The following ADAMDEC1 variants were observed in gnomAD, a reference collection of about 807,000 sequenced individuals.
The protein encoded by ADAMDEC1 is ADAM like decysin 1, also known as ADAM DEC1.
ADAMDEC1 carries 62 observed loss-of-function variants against 60.4 expected under a neutral mutation model. The observed-to-expected ratio is 1.03, with a 90% CI of 0.84 to 1.27. ADAMDEC1 has a LOEUF of 1.27. Among genes scored for constraint, ADAMDEC1 ranks in the 50% most tolerant of loss-of-function variants. ADAMDEC1 has a pLI of 0.00. For synonymous variants in ADAMDEC1, 210 were observed against 195.1 expected, an observed-to-expected ratio of 1.08 and a Z score of -0.64; for missense variants, 595 against 565.0, an observed-to-expected ratio of 1.05 and a Z score of -0.54.
chr8:24,400,554 T>C (rs1413985558), intron 11 of ADAMDEC1, among the ~76,000 whole-genome samples: 3 of 151,862 alleles, frequency 2.0e-5, no homozygotes, highest in Non-Finnish European at 4.4e-5. Flanking sequence ...TCTGCTGATA[T>C]ATGTTTCATA....
chr8:24,403,629 G>T (rs1817818698), intron 12 of ADAMDEC1, among the ~76,000 whole-genome samples: 1 of 152,012 alleles, frequency 6.6e-6, no homozygotes, highest in African/African-American at 2.4e-5. Context: ...AGTTTCTCAG[G>T]AAATGTATAT....
At chr8:24,389,902 C>T (rs966104043) in intron 1 of ADAMDEC1, among the ~76,000 whole-genome samples, 2 of 152,102 alleles carry the variant, frequency 1.3e-5, no homozygotes, top group Non-Finnish European at 2.9e-5. Context: ...TCATTACTTC[C>T]CTATTGAAAA....
chr8:24,394,440 A>G (rs557502999), intron 4 of ADAMDEC1, among the ~76,000 whole-genome samples: 6 of 152,202 alleles, frequency 3.9e-5, no homozygotes, highest in Admixed American at 2.0e-4. Context: ...TTTTATCCAT[A>G]GGTTAGAAAA....
rs770360820 is a variant in ADAMDEC1, at chr8:24,397,259, A to G, written c.441-11A>G. 6.9e-6 allele frequency: 11 copies of G among 1,604,280 alleles called. No homozygotes were observed. Among genetic ancestry groups the G allele is most frequent in the Admixed American group, 3.5e-5 (2 of 57,310 alleles). On this transcript the variant is annotated splice_polypyrimidine_tract_variant and intron_variant, in intron 5 of 13. Coordinates refer to ENST00000256412, the MANE Select transcript of ADAMDEC1 (RefSeq NM_014479.3). The stretch of plus-strand genomic sequence containing the variant: ...CAGGAATCCTGAAATATAAGTCTCT[A>G]TATCTCCCAGAGGATACTTCACACA...
intron 2 of ADAMDEC1, 23 bp downstream of exon 2, chr8:24,392,403 G>A: frequency 6.5e-7 from 1 of 1,528,256 alleles, no homozygotes; most frequent in Non-Finnish European, 9.0e-7. Context: ...AATGACCGTG[G>A]TAGATGTTAC....
At position 24,399,760 on chromosome 8, in the gene ADAMDEC1, G is replaced by A. The variant is rs572068042; in HGVS notation, c.1011+286G>A. ...GCATCCAGTACCCTCTGTGGCCTGG[G>A]CTAATACTAGTCATCCCCAGTATCT... On this transcript the variant is annotated intron_variant, in intron 10 of 13. Transcript: ENST00000256412. Among the ~76,000 whole-genome samples the A allele has an allele frequency of 8.5e-5, 13 of 152,236 alleles. No individual in the cohort carries two copies. In the East Asian group the frequency reaches 2.5e-3, roughly 29 times the overall value.
rs1200483216 is a variant in ADAMDEC1, at chr8:24,398,501, C to T, written c.712C>T (p.Leu238=). Residue 238 remains leucine (L), a synonymous_variant, in exon 8 of 14, where the codon CTA becomes TTA. Coordinates refer to ENST00000256412, the MANE Select transcript of ADAMDEC1 (RefSeq NM_014479.3). The part of the protein sequence containing the change: ...NAFYKNYNEN[L]TLIRSFVFDV... ...ACAGTATAAGAACTATAATGAGAAT[C>T]TAACTCTGATAAGAAGCTTTGTGTT... The T allele has an allele frequency of 3.1e-6, 5 of 1,596,434 alleles. No individual in the cohort carries two copies. The highest frequency in any genetic ancestry group is 1.1e-5 in the South Asian group (1 of 90,128).
At chr8:24,392,502 A>G in intron 2 of ADAMDEC1, 122 bp downstream of exon 2, 1 of 660,386 alleles carries the variant, frequency 1.5e-6, no homozygotes, top group Non-Finnish European at 2.5e-6. Flanking sequence ...AAGCCCATGT[A>G]TACAACTCCC....
chr8:24,398,458 C>A, intron 7 of ADAMDEC1, 22 bp from the exon 8 acceptor site: 1 of 1,430,204 alleles, frequency 7.0e-7, no homozygotes, highest in Non-Finnish European at 9.7e-7. Flanking sequence ...TTTCACTATA[C>A]TTTGTGTTTT....
Position 24,398,895 on chromosome 8 carries a change from C to G in ADAMDEC1, c.784C>G (p.Gln262Glu), listed in dbSNP as rs771003900. 2 of 1,613,652 alleles carry G rather than the reference C, an allele frequency of 1.2e-6. No homozygotes were observed. Among genetic ancestry groups the G allele is most frequent in the South Asian group, 2.2e-5 (2 of 90,998 alleles). Residue 262 changes from glutamine to glutamate, a missense_variant, in exon 9 of 14, where the codon CAA becomes GAA. Physicochemically the swap from Gln to Glu is conservative, Grantham distance 29. Transcript: ENST00000256412. ...ACAGATATATAACACCATAGATGTT[C>G]AAGTGGCCTTGGTAGGTATGGAAAT... is the stretch of plus-strand genomic sequence containing the variant. Reference protein sequence around the residue: ...LNVIYNTIDVQVALVGMEIWS... With the variant: ...LNVIYNTIDVEVALVGMEIWS...
rs543837794 is a variant in ADAMDEC1 at position 24,390,141 on chromosome 8, C to T, written c.89-2121C>T. 45 of 715,516 alleles carry T rather than the reference C, an allele frequency of 6.3e-5. 1 individual carries two copies. Among genetic ancestry groups the T allele is most frequent in the African/African-American group, 4.7e-4 (26 of 55,008 alleles). The allele number at this position is 715,516 out of a possible 1,614,324, so 44.3% of individuals were successfully genotyped here. A position where few individuals can be genotyped will look rare whatever the true frequency, so the allele number is the denominator to read the frequency against. On this transcript the variant is annotated intron_variant, in intron 1 of 13. Coordinates refer to ENST00000256412, the MANE Select transcript of ADAMDEC1 (RefSeq NM_014479.3). ...TTTAACCTGACAGCCTCAAACTGTG[C>T]GTGGCCTAAAGTCAGCATTCAATAA...
chr8:24,398,643 A>G, intron 8 of ADAMDEC1, 92 bp downstream of exon 8: 2 of 1,075,060 alleles, frequency 1.9e-6, no homozygotes, highest in Non-Finnish European at 2.7e-6. Context: ...AGTTAAAAAG[A>G]TCCCAAATGT....
At chr8:24,394,941 C>T (rs1563354619) in intron 4 of ADAMDEC1, among the ~76,000 whole-genome samples, 3 of 152,276 alleles carry the variant, frequency 2.0e-5, no homozygotes, top group Non-Finnish European at 4.4e-5. Flanking sequence ...TTTATGTTGA[C>T]GATATCTCTT....
rs534205566 is a variant in ADAMDEC1 at position 24,385,078 on chromosome 8, C to A, written c.88+486C>A. Reference sequence around the variant, plus strand: ...GTTCTGGAAAAGGAACCCTTTTTGTCTTTGAGATTGATTATTGATATTATT... The same window carrying A: ...GTTCTGGAAAAGGAACCCTTTTTGTATTTGAGATTGATTATTGATATTATT... On this transcript the variant is annotated intron_variant, in intron 1 of 13. Coordinates refer to ENST00000256412, the MANE Select transcript of ADAMDEC1 (RefSeq NM_014479.3). 1.6e-4 allele frequency among the ~76,000 whole-genome samples: 24 copies of A among 151,990 alleles called. No individual in the cohort carries two copies. The South Asian group carries it at 4.1e-3, about 26-fold the overall frequency.
intron 1 of ADAMDEC1, chr8:24,387,910 T>TG (rs1476765773): frequency 6.6e-6 from 1 of 152,600 alleles, no homozygotes; most frequent in Admixed American, 6.5e-5. Context: ...GCTAGGTGAC[T>TG]GCCTGGCTCT....
In ADAMDEC1 at chr8:24,398,868, C is replaced by T. The variant is rs781029995; in HGVS notation, c.763-6C>T. 1 of 1,610,784 alleles carries T rather than the reference C, an allele frequency of 6.2e-7. No homozygotes were observed. Among genetic ancestry groups the T allele is most frequent in the African/African-American group, 1.3e-5 (1 of 74,832 alleles). ...ATTTTTATGAAGATAAATGCTCTTTCCACAGATATATAACACCATAGATGT... is the reference window on the plus strand; with the variant it reads ...ATTTTTATGAAGATAAATGCTCTTTTCACAGATATATAACACCATAGATGT... On this transcript the variant is annotated splice_polypyrimidine_tract_variant and splice_region_variant and intron_variant, in intron 8 of 13. Transcript: ENST00000256412.
chr8:24,386,718 T>C (rs982083651), intron 1 of ADAMDEC1, among the ~76,000 whole-genome samples: 3 of 152,198 alleles, frequency 2.0e-5, no homozygotes, highest in East Asian at 1.9e-4. Context: ...CATCAGCATA[T>C]AAAAATTATC....
chr8:24,405,006 G>A (rs1176594915), intron 13 of ADAMDEC1, among the ~76,000 whole-genome samples: 1 of 152,118 alleles, frequency 6.6e-6, no homozygotes, highest in Non-Finnish European at 1.5e-5. Context: ...AGGTGAACAT[G>A]CCCCTTACTG....
At chr8:24,401,836 TTCTTTA>T in intron 11 of ADAMDEC1, 73 bp from the exon 12 acceptor site, 1 of 1,229,936 alleles carries the variant, frequency 8.1e-7, no homozygotes, top group Non-Finnish European at 1.1e-6. Context: ...AGTCTCGTGT[TTCTTTA>T]TCTTTATTCT....
Sources: allele counts gnomAD v4.1 joint callset (sites outside exome capture counted in the v4.1 genomes callset), GRCh38; gene constraint gnomAD v4.1.1; transcripts MANE v1.5; gene names NCBI Gene and HGNC (gene_info 2026-07-23, HGNC 2026-07-21).